Variants in NCOA2 observed in about 807,000 individuals in gnomAD.
The protein encoded by NCOA2 is nuclear receptor coactivator 2, also known as class E basic helix-loop-helix protein 75.
NCOA2 carries 21 observed loss-of-function variants against 145.1 expected under a neutral mutation model. That is an observed-to-expected ratio of 0.14 (90% CI 0.10 to 0.21). The LOEUF is 0.21. Among genes scored for constraint, NCOA2 ranks in the 10% least tolerant of loss-of-function variants. The probability of loss-of-function intolerance (pLI) is 1.00; values close to 1 mark genes in which losing one functional copy is unlikely to be tolerated. For missense variants in NCOA2, 1,472 were observed against 1,837.6 expected (o/e 0.80, Z 3.64); for synonymous variants, 619 against 637.5 (o/e 0.97, Z 0.44).
Position 70,247,210 on chromosome 8 carries a change from T to A in NCOA2, c.-19-30446A>T, listed in dbSNP as rs147976263. Reference sequence around the variant, plus strand: ...AACTAACAGAGCCTGAAATGATTAGTGAGGTGTCAGGGAACATAAGTTTCC... The same window carrying A: ...AACTAACAGAGCCTGAAATGATTAGAGAGGTGTCAGGGAACATAAGTTTCC... On this transcript the variant is annotated intron_variant, in intron 2 of 22. Transcript: ENST00000452400. Among the ~76,000 whole-genome samples, 6 of 152,278 alleles carry A rather than the reference T, an allele frequency of 3.9e-5. No individual in the cohort carries two copies. In the East Asian group the frequency reaches 1.2e-3, roughly 29 times the overall value.
intron 2 of NCOA2, among the ~76,000 whole-genome samples, chr8:70,287,724 T>C (rs1586376614): frequency 1.3e-5 from 2 of 152,240 alleles, no homozygotes; most frequent in South Asian, 4.1e-4. Context: ...CAGATTATCA[T>C]GTCTGATAAA....
intron 9 of NCOA2, among the ~76,000 whole-genome samples, chr8:70,160,261 G>A (rs1345276453): frequency 6.6e-6 from 1 of 151,916 alleles, no homozygotes; most frequent in Non-Finnish European, 1.5e-5. Context: ...AATCTATTCA[G>A]AGAAAAAAAG....
At chr8:70,362,729 T>G (rs529411029) in intron 1 of NCOA2, among the ~76,000 whole-genome samples, 1 of 152,310 alleles carries the variant, frequency 6.6e-6, no homozygotes, top group African/African-American at 2.4e-5. Flanking sequence ...ATAGCTACTT[T>G]GAAAACTATT....
intron 13 of NCOA2, 124 bp from the exon 14 acceptor site, chr8:70,141,523 A>G: frequency 1.1e-6 from 1 of 907,052 alleles, no homozygotes; most frequent in South Asian, 1.6e-5. Flanking sequence ...CCAATAGCTA[A>G]TGTTCTCATT....
intron 6 of NCOA2, among the ~76,000 whole-genome samples, chr8:70,167,832 G>A (rs1318965788): frequency 6.6e-6 from 1 of 152,190 alleles, no homozygotes; most frequent in Admixed American, 6.5e-5. Context: ...GACTGATTTT[G>A]AGAATTAAAG....
intron 4 of NCOA2, among the ~76,000 whole-genome samples, chr8:70,191,650 GAA>G (rs1349338704): frequency 6.6e-6 from 1 of 152,150 alleles, no homozygotes; most frequent in Non-Finnish European, 1.5e-5. Context: ...GGGAGAGGGA[GAA>G]AGAGACATAC....
intron 12 of NCOA2, among the ~76,000 whole-genome samples, chr8:70,147,430 T>C (rs562487602): frequency 3.3e-5 from 5 of 152,226 alleles, no homozygotes; most frequent in Non-Finnish European, 7.3e-5. Flanking sequence ...ATGCCAGGTA[T>C]TGGCTCAAAT....
At chr8:70,126,494 G>A (rs1808425232) in intron 19 of NCOA2, 1 of 322,186 alleles carries the variant, frequency 3.1e-6, no homozygotes, top group African/African-American at 2.0e-5. Flanking sequence ...TGTAGACATT[G>A]ACATAAACAT....
At chr8:70,249,685 G>A (rs912152592) in intron 2 of NCOA2, among the ~76,000 whole-genome samples, 16 of 152,170 alleles carry the variant, frequency 1.1e-4, no homozygotes, top group African/African-American at 1.4e-4. Flanking sequence ...ACTGTAGGCC[G>A]GGTGCAGTGG....
the NCOA2 span, among the ~76,000 whole-genome samples, chr8:70,440,181 G>T: frequency 2.0e-5 from 3 of 152,196 alleles, no homozygotes; most frequent in Non-Finnish European, 2.9e-5. Context: ...GGAGGCTGAA[G>T]CAGGAGAATT....
At chr8:70,219,967 A>G (rs750655974) in intron 2 of NCOA2, among the ~76,000 whole-genome samples, 46 of 152,172 alleles carry the variant, frequency 3.0e-4, no homozygotes, top group Non-Finnish European at 8.8e-5. Flanking sequence ...AGAGAGATAG[A>G]TAAGTTATAA....
intron 1 of NCOA2, among the ~76,000 whole-genome samples, chr8:70,362,691 T>TA (rs1180991815): frequency 2.6e-5 from 4 of 152,236 alleles, no homozygotes; most frequent in Admixed American, 2.6e-4. Flanking sequence ...GAAAACCTTA[T>TA]ATACTGCTGG....
At chr8:70,337,178 A>G (rs1326354593) in intron 1 of NCOA2, among the ~76,000 whole-genome samples, 1 of 151,122 alleles carries the variant, frequency 6.6e-6, no homozygotes, top group Non-Finnish European at 1.5e-5. Flanking sequence ...CACACAATTT[A>G]GCCTACCCAG....
chr8:70,305,106 G>A (rs1827792139), intron 1 of NCOA2, among the ~76,000 whole-genome samples: 2 of 135,534 alleles, frequency 1.5e-5, no homozygotes, highest in African/African-American at 2.8e-5. Context: ...GGCTGGACTT[G>A]GAACTCCTGG....
Position 70,258,843 on chromosome 8 carries a change from T to C in NCOA2, c.-20+37901A>G, listed in dbSNP as rs191940480. On this transcript the variant is annotated intron_variant, in intron 2 of 22. Transcript: ENST00000452400. ...ACATGATTATATTAACCATCTAACA[T>C]AGTTCTTAACATATAGTAGGAACTC... Among the ~76,000 whole-genome samples, 53 of 152,338 alleles carry C rather than the reference T, an allele frequency of 3.5e-4. 1 individual carries two copies.
intron 22 of NCOA2, among the ~76,000 whole-genome samples, chr8:70,114,962 T>C (rs1007745142): frequency 6.6e-6 from 1 of 152,156 alleles, no homozygotes; most frequent in Non-Finnish European, 1.5e-5. Flanking sequence ...AGAATACCTG[T>C]GATTTTACTT....
intron 2 of NCOA2, among the ~76,000 whole-genome samples, chr8:70,265,588 C>A (rs1824500214): frequency 6.6e-6 from 1 of 152,118 alleles, no homozygotes; most frequent in Non-Finnish European, 1.5e-5. Flanking sequence ...ATATATAATT[C>A]TATTTTTTAA....
rs1014595101 is a variant in NCOA2, at chr8:70,211,465, G to GA, written c.259+2437dup. Among the ~76,000 whole-genome samples the GA allele has an allele frequency of 5.2e-4, 77 of 148,112 alleles. 1 individual carries two copies. In the South Asian group the frequency reaches 8.4e-3, roughly 16 times the overall value. The stretch of plus-strand genomic sequence containing the variant: ...CAGAGCAAGACTCCAAAAAAAAAAA[G>GA]AAAAAAAAAGAAAAAACAGCATCTT... On this transcript the variant is annotated intron_variant, in intron 4 of 22. Coordinates refer to ENST00000452400, the MANE Select transcript of NCOA2 (RefSeq NM_006540.4).
the NCOA2 span, among the ~76,000 whole-genome samples, chr8:70,444,117 A>G: frequency 6.6e-6 from 1 of 152,256 alleles, no homozygotes; most frequent in Non-Finnish European, 1.5e-5. Context: ...AAATAATCCA[A>G]ATGTCCTTCA....
Sources: allele counts gnomAD v4.1 joint callset (sites outside exome capture counted in the v4.1 genomes callset), GRCh38; gene constraint gnomAD v4.1.1; transcripts MANE v1.5; gene names NCBI Gene and HGNC (gene_info 2026-07-23, HGNC 2026-07-21).